Variants in SPINK6 observed in about 807,000 individuals in gnomAD.
The protein encoded by SPINK6 is serine peptidase inhibitor Kazal type 6.
SPINK6 carries 13 observed loss-of-function variants against 11.7 expected under a neutral mutation model. The observed-to-expected ratio is 1.11, with a 90% confidence interval of 0.72 to 1.76. The LOEUF (loss-of-function observed/expected upper bound fraction) is 1.76, where lower values mean the gene tolerates loss of function less well. Ranked by LOEUF, SPINK6 falls within the 40% of genes most tolerant of loss-of-function variation. The pLI is 0.00. For missense variants in SPINK6, 98 were observed against 93.7 expected, an observed-to-expected ratio of 1.05 and a Z score of -0.19; for synonymous variants, 21 against 31.9, an observed-to-expected ratio of 0.66 and a Z score of 1.15.
Position 148,213,988 on chromosome 5 carries a change from A to C in SPINK6, c.160A>C (p.Thr54Pro). ...CCCACACTGTGGCTCTGATGGCCAG[A>C]CATATGGCAATAAATGTGCCTTCTG... ...SNPHCGSDGQTYGNKCAFCKA... is the reference protein window; with the variant it reads ...SNPHCGSDGQPYGNKCAFCKA... The change falls in exon 3 of 4, where the codon ACA (threonine) becomes CCA (proline). Residue 54 changes from threonine (T) to proline (P), a missense_variant. Coordinates refer to ENST00000325630, the MANE Select transcript of SPINK6 (RefSeq NM_205841.4). 6.2e-7 allele frequency: 1 copy of C among 1,613,596 alleles called. No homozygotes were observed. Among genetic ancestry groups the C allele is most frequent in the Non-Finnish European group, 8.5e-7 (1 of 1,179,508 alleles).
intron 1 of SPINK6, among the ~76,000 whole-genome samples, chr5:148,204,958 C>A (rs1483417534): frequency 6.6e-6 from 1 of 152,064 alleles, no homozygotes; most frequent in Non-Finnish European, 1.5e-5. Flanking sequence ...TGTCCAGGAA[C>A]TCTCTGGTTT....
At chr5:148,202,819 CG>C, upstream of SPINK6, 1 of 326,176 alleles carries the variant, frequency 3.1e-6, no homozygotes, top group Non-Finnish European at 5.5e-6. Flanking sequence ...AAAGAAGAGC[CG>C]GGAGGATGTA....
chr5:148,214,085 A>C, intron 3 of SPINK6, 60 bp downstream of exon 3: 1 of 1,054,400 alleles, frequency 9.5e-7, no homozygotes. Flanking sequence ...AATAAGACTA[A>C]GACACTTTTT....
chr5:148,208,990 T>C (rs528372570), intron 2 of SPINK6, among the ~76,000 whole-genome samples: 6 of 152,344 alleles, frequency 3.9e-5, no homozygotes, highest in African/African-American at 1.4e-4. Flanking sequence ...AAAGCAATGA[T>C]TGGCAACCAT....
At chr5:148,204,189 T>C (rs1466372288) in intron 1 of SPINK6, among the ~76,000 whole-genome samples, 1 of 152,030 alleles carries the variant, frequency 6.6e-6, no homozygotes, top group East Asian at 1.9e-4. Flanking sequence ...GTGTTCACTG[T>C]AGCTGGTCAT....
intron 2 of SPINK6, among the ~76,000 whole-genome samples, chr5:148,207,021 T>TTGTGTGTGTGTGTG (rs61655416): frequency 2.8e-4 from 42 of 150,122 alleles, no homozygotes; most frequent in African/African-American, 9.8e-4. Flanking sequence ...GATGATGCAT[T>TTGTGTGTGTGTGTG]TGTGTGTGTG....
At chr5:148,210,294 A>ATG (rs372861077) in intron 2 of SPINK6, among the ~76,000 whole-genome samples, 5,027 of 8,092 alleles carry the variant, frequency 0.62, 2,144 homozygotes, top group East Asian at 0.75. Context: ...ATATATATGT[A>ATG]TGTTTCTGCA....
chr5:148,209,838 A>G (rs148436992), intron 2 of SPINK6, among the ~76,000 whole-genome samples: 218 of 152,114 alleles, frequency 1.4e-3, no homozygotes, highest in Middle Eastern at 3.4e-3. Flanking sequence ...ATCATGAAAA[A>G]TGGAAAAAAT....
rs750441441 is a variant in SPINK6 at position 148,214,940 on chromosome 5, G to A, written c.233G>A (p.Gly78Glu). The change falls in exon 4 of 4, where the codon GGA (glycine) becomes GAA (glutamate). Residue 78 changes from glycine (G) to glutamate (E), a missense_variant. Physicochemically the swap from Gly to Glu is moderately conservative, Grantham distance 98. Transcript: ENST00000325630. ...GGAAAGATTAGCCTAAAGCATCCTG[G>A]AAAATGCTGAGTTAAAGCCAATGTT... Reference protein sequence around the residue: ...SGGKISLKHPGKC With the variant: ...SGGKISLKHPEKC 8 of 1,613,722 alleles carry A rather than the reference G, an allele frequency of 5.0e-6. No individual in the cohort carries two copies. Among genetic ancestry groups the A allele is most frequent in the Admixed American group, 3.3e-5 (2 of 60,018 alleles).
chr5:148,210,141 C>T, intron 2 of SPINK6, among the ~76,000 whole-genome samples: 1 of 146,256 alleles, frequency 6.8e-6, no homozygotes, highest in Non-Finnish European at 1.5e-5. Flanking sequence ...TTTCTGCATA[C>T]ATATGTATGT....
intron 2 of SPINK6, among the ~76,000 whole-genome samples, chr5:148,212,602 T>G (rs1330329199): frequency 9.5e-6 from 1 of 104,902 alleles, no homozygotes; most frequent in Non-Finnish European, 1.7e-5. Context: ...TTATATAATA[T>G]ATAATATATA....
At chr5:148,210,257 CAT>C (rs1194137304) in intron 2 of SPINK6, among the ~76,000 whole-genome samples, 2 of 112,576 alleles carry the variant, frequency 1.8e-5, no homozygotes, top group African/African-American at 6.7e-5. Flanking sequence ...TTTCTGCATA[CAT>C]ATATATGTAT....
At chr5:148,213,875 C>A in intron 2 of SPINK6, 35 bp from the exon 3 acceptor site, 2 of 1,061,030 alleles carry the variant, frequency 1.9e-6, no homozygotes, top group Non-Finnish European at 3.0e-6. Flanking sequence ...TCTTAGAATG[C>A]ACTGATGTCA....
chr5:148,214,790 A>C (rs1755660212), intron 3 of SPINK6, 115 bp from the exon 4 acceptor site: 2 of 772,390 alleles, frequency 2.6e-6, no homozygotes, highest in Non-Finnish European at 4.1e-6. Context: ...ATATAAATGG[A>C]ATTTATAGAA....
At chr5:148,211,609 C>T (rs1257237471) in intron 2 of SPINK6, among the ~76,000 whole-genome samples, 1 of 152,090 alleles carries the variant, frequency 6.6e-6, no homozygotes, top group African/African-American at 2.4e-5. Flanking sequence ...AATTGAGGTG[C>T]AGGCATCGAG....
intron 2 of SPINK6, among the ~76,000 whole-genome samples, chr5:148,212,475 ATT>A (rs1369184659): frequency 8.0e-3 from 225 of 28,184 alleles, no homozygotes; most frequent in Middle Eastern, 0.056. Flanking sequence ...TAAAATACAT[ATT>A]TTTTATATAT....
intron 2 of SPINK6, among the ~76,000 whole-genome samples, chr5:148,211,118 T>A (rs1755592024): frequency 6.6e-6 from 1 of 150,878 alleles, no homozygotes; most frequent in African/African-American, 2.5e-5. Flanking sequence ...CAGAAGCAAT[T>A]TGCACCTTCT....
intron 2 of SPINK6, among the ~76,000 whole-genome samples, chr5:148,208,866 C>A (rs749692401): frequency 2.0e-4 from 31 of 152,144 alleles, no homozygotes; most frequent in Non-Finnish European, 4.3e-4. Context: ...TCACTTACTG[C>A]ATTGCCTTTA....
At position 148,212,552 on chromosome 5, in the gene SPINK6, A is replaced by G. The variant is rs1755615680; in HGVS notation, c.82-1358A>G. Among the ~76,000 whole-genome samples, 7 of 63,492 alleles carry G rather than the reference A, an allele frequency of 1.1e-4. No individual in the cohort carries two copies. The Admixed American group carries it at 1.9e-3, about 17-fold the overall frequency. 41.7% of individuals were successfully genotyped at this position (63,492 alleles called of 152,430 possible). On this transcript the variant is annotated intron_variant, in intron 2 of 3. Transcript: ENST00000325630. ...ATATTTTATATAAGTATATATTTATATATTTATATAATATATATTATATAT... is the reference window on the plus strand; with the variant it reads ...ATATTTTATATAAGTATATATTTATGTATTTATATAATATATATTATATAT...
Sources: gnomAD v4.1 joint callset for allele counts (sites outside exome capture counted in the v4.1 genomes callset) on GRCh38, gnomAD v4.1.1 for gene constraint, MANE v1.5 for transcripts, NCBI Gene and HGNC (gene_info 2026-07-23, HGNC 2026-07-21) for gene names.